The following ZCWPW2 variants were observed in gnomAD, a reference collection of about 807,000 sequenced individuals.
The protein encoded by ZCWPW2 is zinc finger CW-type and PWWP domain containing 2.
A neutral mutation model predicts 46.6 loss-of-function variants in ZCWPW2; 45 were observed. The observed-to-expected ratio is 0.96, with a 90% CI of 0.76 to 1.24. ZCWPW2 has a LOEUF of 1.24. ZCWPW2 is among the 50% of genes most tolerant of loss of function. The pLI, the probability that ZCWPW2 is intolerant of heterozygous loss-of-function variation, is 0.00. For missense variants in ZCWPW2, 429 were observed against 403.9 expected (o/e 1.06, Z -0.53); for synonymous variants, 152 against 137.1 (o/e 1.11, Z -0.76).
At chr3:28,358,056 C>G (rs368666817) in intron 1 of ZCWPW2, among the ~76,000 whole-genome samples, 4 of 151,956 alleles carry the variant, frequency 2.6e-5, no homozygotes, top group African/African-American at 7.2e-5. Context: ...ATATCATTCC[C>G]TTTTGGCTTT....
chr3:28,454,386 G>C (rs978813315), intron 4 of ZCWPW2, among the ~76,000 whole-genome samples: 3 of 152,162 alleles, frequency 2.0e-5, no homozygotes, highest in Non-Finnish European at 2.9e-5. Context: ...ATTAAATTTT[G>C]TGGATTTCCT....
chr3:28,524,396 T>G, intron 9 of ZCWPW2, 131 bp from the exon 10 acceptor site: 1 of 882,210 alleles, frequency 1.1e-6, no homozygotes, highest in Non-Finnish European at 1.8e-6. Context: ...ATATAGTGAT[T>G]ATTATTTGAA....
Position 28,435,109 on chromosome 3 carries a change from G to A in ZCWPW2, c.333-1G>A. On this transcript the variant is annotated splice_acceptor_variant, in intron 3 of 9. Transcript: ENST00000383768. LOFTEE classifies it high-confidence loss of function. ...TAATTACAAATATTTTCTTTTGAAA[G>A]TTGGCCAGGAATACTTTGCCCTGAC... is the stretch of plus-strand genomic sequence containing the variant. The A allele has an allele frequency of 6.2e-7, 1 of 1,604,938 alleles. No homozygotes were observed. The highest frequency in any genetic ancestry group is 8.5e-7 in the Non-Finnish European group (1 of 1,177,934).
rs761197668 is a variant in ZCWPW2 at position 28,478,961 on chromosome 3, G to A, written c.610+30G>A. 8 of 1,393,602 alleles carry A rather than the reference G, an allele frequency of 5.7e-6. No homozygotes were observed. In the South Asian group the frequency reaches 1.1e-4, roughly 19 times the overall value. 86.3% of individuals were successfully genotyped at this position (1,393,602 alleles called of 1,614,324 possible). On this transcript the variant is annotated intron_variant, in intron 5 of 9. Transcript: ENST00000383768. The stretch of plus-strand genomic sequence containing the variant: ...ATAAATATTTTTTCTTTATTACTCT[G>A]AAATAAGGATTTATTCAAATGCATG...
At chr3:28,480,759 T>G (rs1417462905) in intron 5 of ZCWPW2, among the ~76,000 whole-genome samples, 2 of 152,102 alleles carry the variant, frequency 1.3e-5, no homozygotes, top group Non-Finnish European at 2.9e-5. Flanking sequence ...TTTTTGTATA[T>G]GGTATAAGGA....
At chr3:28,412,928 T>C in intron 2 of ZCWPW2, 128 bp from the exon 3 acceptor site, 1 of 667,090 alleles carries the variant, frequency 1.5e-6, no homozygotes, top group Admixed American at 3.0e-5. Context: ...ATATGTAGTC[T>C]TTGTAGGATA....
At chr3:28,373,064 T>TA (rs1379335617) in intron 1 of ZCWPW2, among the ~76,000 whole-genome samples, 1 of 152,352 alleles carries the variant, frequency 6.6e-6, no homozygotes, top group East Asian at 1.9e-4. Context: ...CACCCATTGA[T>TA]AGACACTTAG....
chr3:28,458,122 T>A (rs1376735167), intron 4 of ZCWPW2, among the ~76,000 whole-genome samples: 1 of 152,200 alleles, frequency 6.6e-6, no homozygotes, highest in African/African-American at 2.4e-5. Context: ...TACCTTGTAG[T>A]GAAACAATAT....
At chr3:28,366,188 G>A (rs1404918724) in intron 1 of ZCWPW2, among the ~76,000 whole-genome samples, 1 of 137,006 alleles carries the variant, frequency 7.3e-6, no homozygotes, top group Non-Finnish European at 1.6e-5. Flanking sequence ...ATGTTGATTA[G>A]GAGTGGTGAG....
chr3:28,507,397 A>G (rs922872145), intron 6 of ZCWPW2, among the ~76,000 whole-genome samples: 3 of 152,112 alleles, frequency 2.0e-5, no homozygotes, highest in African/African-American at 4.8e-5. Context: ...TCAAACATGC[A>G]GATAATTTAA....
chr3:28,489,668 GCA>G (rs1209352772), intron 5 of ZCWPW2, among the ~76,000 whole-genome samples: 4,085 of 39,426 alleles, frequency 0.1, 59 homozygotes, highest in South Asian at 0.18. Context: ...ACACACGCGC[GCA>G]CACACACACA....
At position 28,484,050 on chromosome 3, in the gene ZCWPW2, G is replaced by C. The variant is rs964426412; in HGVS notation, c.610+5119G>C. On this transcript the variant is annotated intron_variant, in intron 5 of 9. Coordinates refer to ENST00000383768, the MANE Select transcript of ZCWPW2 (RefSeq NM_001040432.4). ...TGGTGAGGGAGAAAACCCTTGACTT[G>C]TTCTTCATCTTAGCATGACAGCTTC... Among the ~76,000 whole-genome samples the C allele has an allele frequency of 4.6e-5, 7 of 151,986 alleles. No homozygotes were observed. In the South Asian group the frequency reaches 6.2e-4, roughly 14 times the overall value.
chr3:28,460,390 G>A (rs1199581758), intron 4 of ZCWPW2, among the ~76,000 whole-genome samples: 1 of 152,008 alleles, frequency 6.6e-6, no homozygotes, highest in Non-Finnish European at 1.5e-5. Flanking sequence ...GGAAACTTAA[G>A]CAGAGTAAGC....
intron 1 of ZCWPW2, among the ~76,000 whole-genome samples, chr3:28,360,548 T>C (rs1704902807): frequency 1.3e-5 from 2 of 150,912 alleles, no homozygotes; most frequent in African/African-American, 4.9e-5. Context: ...ATTCTGTTTG[T>C]ATGCATCTAA....
intron 3 of ZCWPW2, among the ~76,000 whole-genome samples, chr3:28,432,978 C>T (rs1051448182): frequency 6.6e-6 from 1 of 152,006 alleles, no homozygotes; most frequent in African/African-American, 2.4e-5. Flanking sequence ...ATTTTAGTAA[C>T]TTTACTCTTT....
At position 28,437,337 on chromosome 3, in the gene ZCWPW2, CTAAT is replaced by C. The variant is rs1383789014; in HGVS notation, c.492+2073_492+2076del. Among the ~76,000 whole-genome samples, 17 of 152,266 alleles carry C rather than the reference CTAAT, an allele frequency of 1.1e-4. No homozygotes were observed. In the South Asian group the frequency reaches 3.3e-3, roughly 30 times the overall value. ...TTAATTCTTCTAAATTAATTAACAA[CTAAT>C]TAATATTTCAGGATTTTCACTAAAT... On this transcript the variant is annotated intron_variant, in intron 4 of 9. Transcript: ENST00000383768.
At chr3:28,387,930 G>A (rs1016960858) in intron 1 of ZCWPW2, among the ~76,000 whole-genome samples, 4 of 152,110 alleles carry the variant, frequency 2.6e-5, no homozygotes, top group African/African-American at 2.4e-5. Context: ...GTTCTACAGA[G>A]AAACAGAATC....
intron 2 of ZCWPW2, chr3:28,398,033 G>C (rs1575088901): frequency 6.6e-6 from 1 of 152,338 alleles, no homozygotes; most frequent in Admixed American, 6.5e-5. Context: ...CAAATTAAAT[G>C]TAAGACATTG....
At chr3:28,521,675 GTC>G (rs1186920110) in intron 9 of ZCWPW2, among the ~76,000 whole-genome samples, 23 of 152,238 alleles carry the variant, frequency 1.5e-4, no homozygotes, top group African/African-American at 5.3e-4. Context: ...TTTATTCAGT[GTC>G]TCTGCAATAA....
Sources: gnomAD v4.1 joint callset for allele counts (sites outside exome capture counted in the v4.1 genomes callset) on GRCh38, gnomAD v4.1.1 for gene constraint, MANE v1.5 for transcripts, NCBI Gene and HGNC (gene_info 2026-07-23, HGNC 2026-07-21) for gene names.